The following CRACD variants were observed in gnomAD, a reference collection of about 807,000 sequenced individuals.
The protein encoded by CRACD is capping protein-inhibiting regulator of actin dynamics.
CRACD carries 56 observed loss-of-function variants against 106.8 expected under a neutral mutation model. The ratio of observed to expected loss-of-function variants is 0.52; its 90% CI spans 0.42 to 0.66. The LOEUF (loss-of-function observed/expected upper bound fraction) is 0.66. Among genes scored for constraint, CRACD ranks in the 30% least tolerant of loss-of-function variants. CRACD has a pLI of 0.00. For synonymous variants in CRACD, 754 were observed against 670.8 expected (o/e 1.12, Z -1.92); for missense variants, 1,730 against 1,623.2 (o/e 1.07, Z -1.13).
chr4:56,055,637 A>G (rs779193475), intron 1 of CRACD, among the ~76,000 whole-genome samples: 5 of 152,130 alleles, frequency 3.3e-5, no homozygotes, highest in Non-Finnish European at 7.4e-5. Context: ...ATTTAGAATG[A>G]CTTTCTCTCC....
At chr4:56,300,739 C>G (rs1187165615) in intron 4 of CRACD, among the ~76,000 whole-genome samples, 1 of 152,188 alleles carries the variant, frequency 6.6e-6, no homozygotes, top group African/African-American at 2.4e-5. Flanking sequence ...GATACCTGCT[C>G]TGTCACATCA....
At chr4:56,171,477 A>G (rs1201280806) in intron 1 of CRACD, among the ~76,000 whole-genome samples, 2 of 152,184 alleles carry the variant, frequency 1.3e-5, no homozygotes, top group Admixed American at 1.3e-4. Context: ...GGGTGTCAAG[A>G]CAAAAGCAAA....
intron 2 of CRACD, among the ~76,000 whole-genome samples, chr4:56,236,096 G>A (rs972892930): frequency 2.0e-5 from 3 of 152,162 alleles, no homozygotes; most frequent in African/African-American, 7.2e-5. Context: ...TAAAAACAGG[G>A]TCTTTACAGA....
intron 4 of CRACD, among the ~76,000 whole-genome samples, chr4:56,299,068 G>T (rs967483618): frequency 6.6e-6 from 1 of 152,120 alleles, no homozygotes; most frequent in African/African-American, 2.4e-5. Flanking sequence ...TCCACTTTCC[G>T]AGTCTCTGTA....
intron 2 of CRACD, among the ~76,000 whole-genome samples, chr4:56,271,186 G>A (rs545943443): frequency 9.9e-5 from 15 of 151,716 alleles, no homozygotes; most frequent in African/African-American, 2.9e-4. Context: ...AAAGAAAAAC[G>A]AAACATCCAG....
At chr4:56,271,393 G>A (rs1465901139) in intron 2 of CRACD, among the ~76,000 whole-genome samples, 2 of 152,172 alleles carry the variant, frequency 1.3e-5, no homozygotes, top group East Asian at 3.9e-4. Flanking sequence ...ACTCCTTTGG[G>A]GCTCTTCATA....
chr4:56,299,515 C>A (rs1238024761), intron 4 of CRACD, among the ~76,000 whole-genome samples: 1 of 151,938 alleles, frequency 6.6e-6, no homozygotes, highest in African/African-American at 2.4e-5. Flanking sequence ...ACCAAAAATA[C>A]AAAAGTTAGC....
At chr4:56,189,776 ATTTTCTTT>A (rs900446957) in intron 2 of CRACD, among the ~76,000 whole-genome samples, 2 of 146,586 alleles carry the variant, frequency 1.4e-5, no homozygotes, top group African/African-American at 5.1e-5. Context: ...TATGTGCCAC[ATTTTCTTT>A]TTTTCTTTTT....
At chr4:56,191,620 G>T (rs1737371158) in intron 2 of CRACD, among the ~76,000 whole-genome samples, 1 of 152,204 alleles carries the variant, frequency 6.6e-6, no homozygotes, top group Non-Finnish European at 1.5e-5. Context: ...TTGGAAAGTG[G>T]ACGTCTTTGG....
intron 4 of CRACD, among the ~76,000 whole-genome samples, chr4:56,300,490 G>A (rs954706538): frequency 1.3e-5 from 2 of 152,318 alleles, no homozygotes; most frequent in East Asian, 1.9e-4. Flanking sequence ...CTTATAGGTT[G>A]AAGAAGAGGG....
At chr4:56,310,796 C>T (rs1471735510) in intron 6 of CRACD, 62 bp downstream of exon 6, 3 of 973,410 alleles carry the variant, frequency 3.1e-6, no homozygotes, top group Non-Finnish European at 4.7e-6. Flanking sequence ...TCTTCCCCCC[C>T]CCTTTTTTTT....
chr4:56,315,005 G>A lies in CRACD; in HGVS notation c.1503G>A (p.Ala501=), dbSNP rs372734345. ...AACAAGAGGGGCCGGTGGAAGCCGC[G>A]CAGCCTCCGGTGGAGAGGAAAGAAG... is the stretch of plus-strand genomic sequence containing the variant. ...LLKQEGPVEA[A]QPPVERKEAA... The change falls in exon 8 of 11, where the codon GCG becomes GCA. Residue 501 remains alanine, a synonymous_variant. Transcript: ENST00000682029. This position sits in a 1 kb window ranked among gnomAD's most constrained non-coding sequence, Gnocchi z 4.1. The A allele has an allele frequency of 1.8e-5, 29 of 1,587,070 alleles. No individual in the cohort carries two copies. Among genetic ancestry groups the A allele is most frequent in the Non-Finnish European group, 2.3e-5 (27 of 1,168,110 alleles).
intron 2 of CRACD, among the ~76,000 whole-genome samples, chr4:56,251,725 A>G (rs1309835668): frequency 1.3e-5 from 2 of 152,306 alleles, no homozygotes; most frequent in Non-Finnish European, 2.9e-5. Context: ...GGCTTTGGCA[A>G]TGTCAGAGAG....
chr4:56,070,547 A>G (rs1732610236), intron 1 of CRACD, among the ~76,000 whole-genome samples: 1 of 152,022 alleles, frequency 6.6e-6, no homozygotes, highest in South Asian at 2.1e-4. Flanking sequence ...TCGGCCTCCC[A>G]AAATGCTGGG....
In CRACD at chr4:56,126,018, C is replaced by G. The variant is rs1330461555; in HGVS notation, c.-335-53266C>G. 1.3e-5 allele frequency among the ~76,000 whole-genome samples: 2 copies of G among 151,948 alleles called. 1 individual carries two copies. The highest frequency in any genetic ancestry group is 4.2e-4 in the South Asian group (2 of 4,804). ...AACTCCTGAACTCAGGTGATCTGCT[C>G]ACCTCGGCCTCCCAAAATGCTGAGT... On this transcript the variant is annotated intron_variant, in intron 1 of 10. Coordinates refer to ENST00000682029, the MANE Select transcript of CRACD (RefSeq NM_001393381.1).
In CRACD at chr4:56,324,178, A is replaced by G. The variant is rs753314401; in HGVS notation, c.3453A>G (p.Pro1151=). 2.5e-6 allele frequency: 4 copies of G among 1,614,202 alleles called. No individual in the cohort carries two copies. Among genetic ancestry groups the G allele is most frequent in the South Asian group, 1.1e-5 (1 of 91,078 alleles). The stretch of plus-strand genomic sequence containing the variant: ...CCCTGCACAAGTCCACTGCTCTGCC[A>G]GAAGAGAAGAGGCCCGAGACTGCAG... The part of the protein sequence containing the change: ...AGSLHKSTAL[P]EEKRPETAVS... The change falls in exon 10 of 11, where the codon CCA becomes CCG. Residue 1151 remains proline, a synonymous_variant. Coordinates refer to ENST00000682029, the MANE Select transcript of CRACD (RefSeq NM_001393381.1).
intron 2 of CRACD, among the ~76,000 whole-genome samples, chr4:56,268,567 A>G (rs1742162670): frequency 6.6e-6 from 1 of 152,250 alleles, no homozygotes; most frequent in Non-Finnish European, 1.5e-5. Context: ...CCTTGGAAAT[A>G]AGTGGAATAT....
chr4:56,298,082 C>A, intron 3 of CRACD, 132 bp from the exon 4 acceptor site: 1 of 982,182 alleles, frequency 1.0e-6, no homozygotes, highest in Non-Finnish European at 1.5e-6. Context: ...CAGACAGGGA[C>A]ACAATGCTGA....
At chr4:56,174,581 A>G (rs1252992657) in intron 1 of CRACD, among the ~76,000 whole-genome samples, 1 of 152,228 alleles carries the variant, frequency 6.6e-6, no homozygotes, top group Non-Finnish European at 1.5e-5. Flanking sequence ...CCTAATGTCT[A>G]GTTCCATCCA....
Sources: gnomAD v4.1 joint callset for allele counts (sites outside exome capture counted in the v4.1 genomes callset) on GRCh38, gnomAD v4.1.1 for gene constraint, Gnocchi (gnomAD v3.1) non-coding constraint, MANE v1.5 for transcripts, NCBI Gene and HGNC (gene_info 2026-07-23, HGNC 2026-07-21) for gene names.